Variants in ZNF544 observed in about 807,000 individuals in gnomAD.
ZNF544 encodes zinc finger protein 544, also known as zinc finger protein AF020591.
Under a neutral mutation model 13.5 loss-of-function variants are expected in ZNF544, and 10 were observed. The ratio of observed to expected loss-of-function variants is 0.74; its 90% CI spans 0.46 to 1.25. The LOEUF (loss-of-function observed/expected upper bound fraction) is 1.25, where lower values mean the gene tolerates loss of function less well. ZNF544 is among the 50% of genes most tolerant of loss of function. ZNF544 has a pLI of 0.00. For missense variants in ZNF544, 896 were observed against 845.6 expected (o/e 1.06, Z -0.74); for synonymous variants, 323 against 300.5 (o/e 1.07, Z -0.77).
intron 2 of ZNF544, chr19:58,230,005 A>G (rs2040869567): frequency 6.6e-6 from 1 of 152,532 alleles, no homozygotes; most frequent in Non-Finnish European, 1.5e-5. Flanking sequence ...ATGCCTGGTC[A>G]GTCTCTGCAT....
Position 58,250,840 on chromosome 19 carries a change from T to C in ZNF544, c.244+4046T>C, listed in dbSNP as rs753568760. ...GGGTGGTAGTGTATTTGAATGATGCTGGAGATAACCAAAGCCAACAGTCTT... is the reference window on the plus strand; with the variant it reads ...GGGTGGTAGTGTATTTGAATGATGCCGGAGATAACCAAAGCCAACAGTCTT... On this transcript the variant is annotated intron_variant, in intron 6 of 6. Transcript: ENST00000687789. 4.6e-4 allele frequency among the ~76,000 whole-genome samples: 70 copies of C among 152,316 alleles called. 3 individuals are homozygous for C. The highest frequency in any genetic ancestry group is 6.8e-3 in the Middle Eastern group (2 of 294).
intron 4 of ZNF544, among the ~76,000 whole-genome samples, chr19:58,244,574 CTCT>C (rs530690145): frequency 3.2e-4 from 49 of 151,960 alleles, no homozygotes; most frequent in African/African-American, 1.2e-3. Flanking sequence ...GTGTCTTTTC[CTCT>C]TCTTATTTTA....
At chr19:58,229,182 G>C (rs1450813376) in intron 1 of ZNF544, 1 of 152,342 alleles carries the variant, frequency 6.6e-6, no homozygotes, top group Non-Finnish European at 1.5e-5. Context: ...CCCTGCAGGA[G>C]CGCCCGGCTG....
intron 4 of ZNF544, among the ~76,000 whole-genome samples, chr19:58,244,337 C>T (rs997360495): frequency 4.6e-5 from 7 of 151,810 alleles, no homozygotes; most frequent in Admixed American, 3.9e-4. Context: ...GCTCCTCAGG[C>T]CCTTGAGGGT....
chr19:58,240,858 A>G (rs963696604), intron 3 of ZNF544, among the ~76,000 whole-genome samples: 1 of 151,786 alleles, frequency 6.6e-6, no homozygotes, highest in Non-Finnish European at 1.5e-5. Context: ...CAGTGTGAAC[A>G]TTCCAGTATC....
chr19:58,244,464 G>A (rs2044620784), intron 4 of ZNF544, among the ~76,000 whole-genome samples: 1 of 152,114 alleles, frequency 6.6e-6, no homozygotes, highest in South Asian at 2.1e-4. Flanking sequence ...AGAGTCCCCT[G>A]TAAATGGTGA....
At chr19:58,239,013 A>G (rs1486656263) in intron 3 of ZNF544, among the ~76,000 whole-genome samples, 1 of 152,076 alleles carries the variant, frequency 6.6e-6, no homozygotes, top group African/African-American at 2.4e-5. Flanking sequence ...ATTTGCTGTT[A>G]GTGTGTCCTG....
downstream of ZNF544, among the ~76,000 whole-genome samples, chr19:58,266,265 T>G (rs1458383619): frequency 7.3e-6 from 1 of 136,982 alleles, no homozygotes; most frequent in African/African-American, 2.7e-5. Context: ...ACGCCTGTGA[T>G]CCCGACACTT....
chr19:58,249,672 C>T (rs997169639), intron 6 of ZNF544, among the ~76,000 whole-genome samples: 6 of 152,206 alleles, frequency 3.9e-5, no homozygotes, highest in South Asian at 4.2e-4. Context: ...CCTCATTGTT[C>T]GGCATAAAAA....
intron 3 of ZNF544, among the ~76,000 whole-genome samples, chr19:58,232,185 TTAAAGATACG>T (rs2041380610): frequency 6.6e-6 from 1 of 151,954 alleles, no homozygotes; most frequent in Non-Finnish European, 1.5e-5. Context: ...AAATAAAAAG[TTAAAGATACG>T]CTCTACTTAG....
At chr19:58,240,037 A>T (rs1412928839) in intron 3 of ZNF544, among the ~76,000 whole-genome samples, 1 of 152,144 alleles carries the variant, frequency 6.6e-6, no homozygotes, top group Non-Finnish European at 1.5e-5. Context: ...GACCATGTGG[A>T]CCAGGAAGCT....
intron 3 of ZNF544, among the ~76,000 whole-genome samples, chr19:58,241,185 T>TAATATATATATATATATA (rs1568461182): frequency 1.8e-5 from 1 of 55,388 alleles, no homozygotes; most frequent in African/African-American, 7.0e-5. Context: ...ATATATTTTT[T>TAATATATATATATATATA]TTTTTTTGTA....
At chr19:58,266,212 CAAAAA>C (rs760851818), downstream of ZNF544, among the ~76,000 whole-genome samples, 419 of 46,200 alleles carry the variant, frequency 9.1e-3, 3 homozygotes, top group African/African-American at 0.032. Context: ...GACTCTGTCT[CAAAAA>C]AAAAAAAAAA....
rs368119051 is a variant in ZNF544 at position 58,262,067 on chromosome 19, T to G, written c.1461T>G (p.Thr487=). The G allele has an allele frequency of 6.8e-6, 11 of 1,610,862 alleles. No homozygotes were observed. Among genetic ancestry groups the G allele is most frequent in the Non-Finnish European group, 9.3e-6 (11 of 1,179,346 alleles). ...TAGTTACACATAAAAGAACGCACAC[T>G]GGAGAAAAACCCTTCAAATGTACTC... The part of the protein sequence containing the change: ...YELVTHKRTH[T]GEKPFKCTQC... The change falls in exon 7 of 7, where the codon ACT becomes ACG. Residue 487 remains threonine (T), a synonymous_variant. Coordinates refer to ENST00000687789, the MANE Select transcript of ZNF544 (RefSeq NM_014480.4).
chr19:58,263,545 C>A lies in ZNF544; in HGVS notation c.*791C>A. On this transcript the variant is annotated 3_prime_UTR_variant, in exon 7 of 7. Transcript: ENST00000687789. The stretch of plus-strand genomic sequence containing the variant: ...CCAAAACATGACTCTCAGAGTGGGG[C>A]TTCATGACCATGTGCATCAGAATTG... 1.0e-6 allele frequency: 1 copy of A among 985,448 alleles called. No homozygotes were observed. The highest frequency in any genetic ancestry group is 1.1e-4 in the East Asian group (1 of 8,816). The allele number at this position is 985,448 out of a possible 1,614,324, so 61.0% of individuals were successfully genotyped here.
rs1342465609 is a variant in ZNF544, at chr19:58,246,807, C to T, written c.244+13C>T. On this transcript the variant is annotated intron_variant, in intron 6 of 6. Transcript: ENST00000687789. ...GAGGCCCCCCGAGGTAAGAGCAGAC[C>T]TTGTGGTGAGCAGCTCAACGTTTAA... 6.2e-7 allele frequency: 1 copy of T among 1,612,478 alleles called. No homozygotes were observed. The highest frequency in any genetic ancestry group is 1.3e-5 in the African/African-American group (1 of 74,894).
At chr19:58,246,461 C>T (rs373223016) in intron 5 of ZNF544, 34 bp downstream of exon 5, 41 of 1,611,750 alleles carry the variant, frequency 2.5e-5, no homozygotes, top group African/African-American at 9.4e-5. Context: ...GAGGTTCTAC[C>T]CCTAGGACTC....
chr19:58,229,269 G>C (rs895335615), intron 1 of ZNF544, 199 bp from the exon 2 acceptor site: 1 of 107,154 alleles, frequency 9.3e-6, no homozygotes, highest in Admixed American at 9.5e-5. Flanking sequence ...ACGGGCAGGG[G>C]TGGAACTGGG....
At chr19:58,232,656 G>A (rs2041522225) in intron 3 of ZNF544, among the ~76,000 whole-genome samples, 1 of 151,294 alleles carries the variant, frequency 6.6e-6, no homozygotes, top group Non-Finnish European at 1.5e-5. Context: ...CGGGCCGGGC[G>A]CGGTGGCTCA....
Sources: allele counts gnomAD v4.1 joint callset (sites outside exome capture counted in the v4.1 genomes callset), GRCh38; gene constraint gnomAD v4.1.1; transcripts MANE v1.5; gene names NCBI Gene and HGNC (gene_info 2026-07-23, HGNC 2026-07-21).